PPFIBP1: variants seen among roughly 807,000 people sequenced by gnomAD.
PPFIBP1 encodes PPFIB scaffold protein 1.
Under a neutral mutation model 137.8 loss-of-function variants are expected in PPFIBP1, and 112 were observed. The observed-to-expected ratio is 0.81, with a 90% confidence interval of 0.70 to 0.95. PPFIBP1 has a LOEUF of 0.95. PPFIBP1 is among the 40% of genes least tolerant of loss of function. PPFIBP1 has a pLI of 0.00. For synonymous variants in PPFIBP1, 378 were observed against 417.3 expected (o/e 0.91, Z 1.15); for missense variants, 1,083 against 1,196.6 (o/e 0.91, Z 1.40).
intron 1 of PPFIBP1, among the ~76,000 whole-genome samples, chr12:27,537,615 AT>A (rs1177129962): frequency 1.3e-5 from 2 of 152,064 alleles, no homozygotes; most frequent in Non-Finnish European, 2.9e-5. Flanking sequence ...CCTGCGTGTT[AT>A]TAATAAAGAA....
intron 1 of PPFIBP1, among the ~76,000 whole-genome samples, chr12:27,525,912 TAGC>T (rs912529131): frequency 6.6e-6 from 1 of 152,196 alleles, no homozygotes; most frequent in African/African-American, 2.4e-5. Flanking sequence ...GTGGATAAAA[TAGC>T]AGGCTTTTTG....
chr12:27,663,884 T>C (rs1197236866), intron 11 of PPFIBP1, among the ~76,000 whole-genome samples: 2 of 152,052 alleles, frequency 1.3e-5, no homozygotes, highest in African/African-American at 4.8e-5. Flanking sequence ...TCATTGTTTT[T>C]AATAGATAGG....
In PPFIBP1 at chr12:27,544,035, A is replaced by G. The variant is rs1008460450; in HGVS notation, c.-124+19670A>G. Among the ~76,000 whole-genome samples, 9 of 151,748 alleles carry G rather than the reference A, an allele frequency of 5.9e-5. No individual in the cohort carries two copies. In the South Asian group the frequency reaches 6.3e-4, roughly 11 times the overall value. On this transcript the variant is annotated intron_variant, in intron 1 of 29. Transcript: ENST00000228425. Reference sequence around the variant, plus strand: ...GCTGGGATTACAGATGCACACCACCATGCCCAACTAATTTTTTGATTTTTT... The same window carrying G: ...GCTGGGATTACAGATGCACACCACCGTGCCCAACTAATTTTTTGATTTTTT...
At chr12:27,601,900 T>G (rs563341715) in intron 2 of PPFIBP1, among the ~76,000 whole-genome samples, 1 of 152,236 alleles carries the variant, frequency 6.6e-6, no homozygotes, top group African/African-American at 2.4e-5. Flanking sequence ...GGATGGCCAG[T>G]AGCCACATGT....
chr12:27,599,746 G>A (rs576731654), intron 2 of PPFIBP1, among the ~76,000 whole-genome samples: 1 of 152,260 alleles, frequency 6.6e-6, no homozygotes, highest in South Asian at 2.1e-4. Flanking sequence ...TGGTATTCTT[G>A]CCAACAATGT....
intron 4 of PPFIBP1, among the ~76,000 whole-genome samples, chr12:27,644,270 A>C: frequency 1.3e-5 from 1 of 74,462 alleles, no homozygotes; most frequent in Non-Finnish European, 2.8e-5. Context: ...TTTTTTTTTT[A>C]AGAGATAGGG....
intron 1 of PPFIBP1, among the ~76,000 whole-genome samples, chr12:27,564,991 A>G (rs1355752043): frequency 1.3e-5 from 2 of 152,316 alleles, no homozygotes; most frequent in East Asian, 1.9e-4. Flanking sequence ...CTGTCTCTTC[A>G]GCAGACTAAT....
chr12:27,536,924 C>T (rs548370244), intron 1 of PPFIBP1, among the ~76,000 whole-genome samples: 1 of 152,106 alleles, frequency 6.6e-6, no homozygotes, highest in Non-Finnish European at 1.5e-5. Context: ...AACGTCTCAG[C>T]TTCATTATTA....
intron 2 of PPFIBP1, among the ~76,000 whole-genome samples, chr12:27,582,308 G>A (rs1354536677): frequency 2.0e-5 from 3 of 152,146 alleles, no homozygotes; most frequent in African/African-American, 7.2e-5. Flanking sequence ...TAATTAGGAG[G>A]CTCAAGTATC....
chr12:27,601,458 TAG>T lies in PPFIBP1; in HGVS notation c.-36+23222_-36+23223del, dbSNP rs1426538772. On this transcript the variant is annotated intron_variant, in intron 2 of 29. Transcript: ENST00000228425. ...TAAAGTGGGGGGCAGGTGGTGAAAATAGAGTGTTTTGGTGTACACAAGGTTAA... is the reference window on the plus strand; with the variant it reads ...TAAAGTGGGGGGCAGGTGGTGAAAATAGTGTTTTGGTGTACACAAGGTTAA... 1.7e-4 allele frequency among the ~76,000 whole-genome samples: 26 copies of T among 152,250 alleles called. No homozygotes were observed. The East Asian group carries it at 4.2e-3, about 25-fold the overall frequency.
Position 27,647,716 on chromosome 12 carries a change from G to C in PPFIBP1, c.358-13G>C. 2 of 1,544,874 alleles carry C rather than the reference G, an allele frequency of 1.3e-6. No homozygotes were observed. The highest frequency in any genetic ancestry group is 2.8e-5 in the African/African-American group (2 of 71,994). ...TCTTTTTCACTCATTGCATTATTTTGCTCTAAATACAGGTAAGTGTGTTAA... is the reference window on the plus strand; with the variant it reads ...TCTTTTTCACTCATTGCATTATTTTCCTCTAAATACAGGTAAGTGTGTTAA... On this transcript the variant is annotated splice_polypyrimidine_tract_variant and intron_variant, in intron 5 of 29. Coordinates refer to ENST00000228425, the MANE Select transcript of PPFIBP1 (RefSeq NM_003622.4).
In PPFIBP1 at chr12:27,692,786, T is replaced by G. The variant is rs1035969060; in HGVS notation, c.2932-10T>G. The G allele has an allele frequency of 1.9e-6, 3 of 1,614,134 alleles. No individual in the cohort carries two copies. Among genetic ancestry groups the G allele is most frequent in the African/African-American group, 2.7e-5 (2 of 75,046 alleles). On this transcript the variant is annotated splice_polypyrimidine_tract_variant and intron_variant, in intron 29 of 29. Transcript: ENST00000228425. ...CTCTCAGTGTGACTCCCTGTCTCCT[T>G]GTTTTCCAGCACATGTTAAAAGAAG...
chr12:27,685,072 GTCAT>G (rs2061115073), intron 24 of PPFIBP1, among the ~76,000 whole-genome samples: 1 of 151,916 alleles, frequency 6.6e-6, no homozygotes, highest in African/African-American at 2.4e-5. Flanking sequence ...ATTTTCCAGG[GTCAT>G]TTACTCTTTT....
chr12:27,670,468 A>T (rs1411972151), intron 13 of PPFIBP1, among the ~76,000 whole-genome samples: 2 of 152,214 alleles, frequency 1.3e-5, no homozygotes, highest in African/African-American at 4.8e-5. Flanking sequence ...TAAGATTAGT[A>T]GTAGAAATTA....
rs140042895 is a variant in PPFIBP1 at position 27,621,507 on chromosome 12, T to C, written c.-35-11855T>C. ...TTCCATATGTCTCTTAATATTGTAA[T>C]AGGAAATAACAATGTTAAGAATATA... On this transcript the variant is annotated intron_variant, in intron 2 of 29. Coordinates refer to ENST00000228425, the MANE Select transcript of PPFIBP1 (RefSeq NM_003622.4). Among the ~76,000 whole-genome samples the C allele has an allele frequency of 1.1e-3, 167 of 152,344 alleles. 2 individuals carry two copies. The East Asian group carries it at 0.026, about 24-fold the overall frequency.
chr12:27,649,398 CAT>C (rs937641311), intron 6 of PPFIBP1, among the ~76,000 whole-genome samples: 1 of 152,144 alleles, frequency 6.6e-6, no homozygotes, highest in Non-Finnish European at 1.5e-5. Flanking sequence ...ACATAGCAAA[CAT>C]AGTATCACCA....
intron 2 of PPFIBP1, among the ~76,000 whole-genome samples, chr12:27,579,964 T>G (rs1592602618): frequency 6.6e-6 from 1 of 152,112 alleles, no homozygotes; most frequent in African/African-American, 2.4e-5. Flanking sequence ...AGAGAAGGGT[T>G]TTGATTGCAT....
intron 2 of PPFIBP1, among the ~76,000 whole-genome samples, chr12:27,602,188 C>T (rs1262897517): frequency 6.6e-6 from 1 of 152,184 alleles, no homozygotes; most frequent in Non-Finnish European, 1.5e-5. Context: ...TTCTTGACAG[C>T]ATGAGGTGAC....
chr12:27,686,137 A>G (rs530103769), intron 24 of PPFIBP1, among the ~76,000 whole-genome samples: 2 of 152,322 alleles, frequency 1.3e-5, no homozygotes, highest in African/African-American at 4.8e-5. Context: ...ATGTCTTAAG[A>G]CACTACTTTT....
Sources: allele counts gnomAD v4.1 joint callset (sites outside exome capture counted in the v4.1 genomes callset), GRCh38; gene constraint gnomAD v4.1.1; transcripts MANE v1.5; gene names NCBI Gene and HGNC (gene_info 2026-07-23, HGNC 2026-07-21).